Variants in TAX1BP1 observed in about 807,000 individuals in gnomAD.
TAX1BP1 encodes tax1-binding protein 1.
Under a neutral mutation model 97.7 loss-of-function variants are expected in TAX1BP1, and 62 were observed. The observed-to-expected ratio is 0.63, with a 90% CI of 0.52 to 0.78. The LOEUF is 0.78. Among genes scored for constraint, TAX1BP1 ranks in the 30% least tolerant of loss-of-function variants. The pLI, the probability that TAX1BP1 is intolerant of heterozygous loss-of-function variation, is 0.00. For missense variants in TAX1BP1, 867 were observed against 916.1 expected (o/e 0.95, Z 0.69); for synonymous variants, 340 against 304.2 (o/e 1.12, Z -1.23).
chr7:27,793,889 A>G (rs1274548024), intron 10 of TAX1BP1, among the ~76,000 whole-genome samples: 1 of 152,218 alleles, frequency 6.6e-6, no homozygotes, highest in Non-Finnish European at 1.5e-5. Context: ...TGTGATGCAT[A>G]TGATACTTTC....
intron 16 of TAX1BP1, 137 bp from the exon 17 acceptor site, chr7:27,828,491 T>C (rs952315901): frequency 9.6e-5 from 70 of 727,648 alleles, no homozygotes; most frequent in Middle Eastern, 3.5e-4. Context: ...GAGAAATGTT[T>C]CTGGAGTAAA....
intron 5 of TAX1BP1, among the ~76,000 whole-genome samples, chr7:27,773,640 T>C (rs1788927424): frequency 6.6e-6 from 1 of 152,120 alleles, no homozygotes; most frequent in African/African-American, 2.4e-5. Flanking sequence ...TTCACTCCTT[T>C]TATTGCCAAA....
intron 1 of TAX1BP1, among the ~76,000 whole-genome samples, chr7:27,741,564 G>T (rs1369114889): frequency 1.3e-5 from 2 of 150,656 alleles, no homozygotes; most frequent in Non-Finnish European, 2.9e-5. Context: ...GCAGTGGCGC[G>T]ATCGCGGCTC....
Position 27,788,322 on chromosome 7 carries a change from G to C in TAX1BP1, c.1038+719G>C, listed in dbSNP as rs975212752. Among the ~76,000 whole-genome samples the C allele has an allele frequency of 2.0e-5, 3 of 151,946 alleles. No individual in the cohort carries two copies. In the South Asian group the frequency reaches 6.2e-4, roughly 31 times the overall value. ...TGTTAGGTTTAATAATTTGTTTAAA[G>C]TTATGCCTACCTGTCTCTATATAGG... On this transcript the variant is annotated intron_variant, in intron 8 of 16. Coordinates refer to ENST00000396319, the MANE Select transcript of TAX1BP1 (RefSeq NM_006024.7).
chr7:27,775,135 G>A (rs1018056210), intron 5 of TAX1BP1, among the ~76,000 whole-genome samples: 10 of 152,042 alleles, frequency 6.6e-5, no homozygotes, highest in African/African-American at 2.4e-4. Flanking sequence ...AGAAGCTATG[G>A]TTATACATCA....
At chr7:27,784,527 G>A (rs1789393068) in intron 5 of TAX1BP1, among the ~76,000 whole-genome samples, 1 of 152,320 alleles carries the variant, frequency 6.6e-6, no homozygotes, top group Non-Finnish European at 1.5e-5. Context: ...ATGGCAGTTA[G>A]TGACCTGTGC....
intron 13 of TAX1BP1, among the ~76,000 whole-genome samples, chr7:27,808,077 G>C (rs1436076087): frequency 6.6e-6 from 1 of 152,150 alleles, no homozygotes; most frequent in Non-Finnish European, 1.5e-5. Flanking sequence ...CCTGGAATCA[G>C]TCTTTTCTCC....
chr7:27,767,634 T>C (rs1325977509), intron 4 of TAX1BP1, among the ~76,000 whole-genome samples: 1 of 152,136 alleles, frequency 6.6e-6, no homozygotes, highest in Non-Finnish European at 1.5e-5. Flanking sequence ...ATCTTAAGAA[T>C]GCAGTCAGTA....
chr7:27,758,395 G>T, intron 3 of TAX1BP1: 1 of 223,176 alleles, frequency 4.5e-6, no homozygotes, highest in Non-Finnish European at 8.8e-6. Flanking sequence ...AATTTTTGGA[G>T]ATTTTTTTTT....
chr7:27,805,174 T>C (rs912882297), intron 13 of TAX1BP1, among the ~76,000 whole-genome samples: 6 of 152,152 alleles, frequency 3.9e-5, no homozygotes, highest in Admixed American at 3.3e-4. Context: ...CCCATATAAA[T>C]TGTAATCAGG....
intron 7 of TAX1BP1, among the ~76,000 whole-genome samples, chr7:27,786,381 A>G (rs2128316427): frequency 6.6e-6 from 1 of 152,254 alleles, no homozygotes; most frequent in Middle Eastern, 3.4e-3. Flanking sequence ...TCAGCCTCCC[A>G]AAGTGCTGGG....
At chr7:27,781,748 C>G (rs1278249827) in intron 5 of TAX1BP1, among the ~76,000 whole-genome samples, 3 of 151,678 alleles carry the variant, frequency 2.0e-5, no homozygotes, top group East Asian at 1.9e-4. Context: ...GAGTCTTACT[C>G]TGTTGCCCAG....
At chr7:27,828,584 T>C (rs1782561714) in intron 16 of TAX1BP1, 44 bp from the exon 17 acceptor site, 1 of 1,586,140 alleles carries the variant, frequency 6.3e-7, no homozygotes, top group Non-Finnish European at 8.6e-7. Flanking sequence ...GTTGTTGTTC[T>C]ACATTTATTA....
chr7:27,824,784 C>T (rs1358783828), intron 15 of TAX1BP1, among the ~76,000 whole-genome samples: 2 of 151,610 alleles, frequency 1.3e-5, no homozygotes, highest in Admixed American at 6.6e-5. Context: ...AACAATAGGG[C>T]GTTTAGATCT....
At chr7:27,783,060 T>G (rs973979758) in intron 5 of TAX1BP1, among the ~76,000 whole-genome samples, 1 of 152,156 alleles carries the variant, frequency 6.6e-6, no homozygotes, top group African/African-American at 2.4e-5. Flanking sequence ...TTTTTTAGTT[T>G]AGGAGTGGGA....
chr7:27,765,186 T>TTG (rs1332750076), intron 3 of TAX1BP1, among the ~76,000 whole-genome samples: 1 of 149,152 alleles, frequency 6.7e-6, no homozygotes, highest in Non-Finnish European at 1.5e-5. Context: ...TGGCAAATTT[T>TTG]TGTATTTTTT....
At chr7:27,754,286 C>G (rs1583669627) in intron 2 of TAX1BP1, among the ~76,000 whole-genome samples, 1 of 151,406 alleles carries the variant, frequency 6.6e-6, no homozygotes, top group South Asian at 2.1e-4. Flanking sequence ...TCCTTCTTCT[C>G]TTTTCCTGCC....
intron 5 of TAX1BP1, among the ~76,000 whole-genome samples, chr7:27,772,935 C>T (rs1301908529): frequency 6.7e-6 from 1 of 150,024 alleles, no homozygotes; most frequent in Non-Finnish European, 1.5e-5. Context: ...AAAAGTAACT[C>T]TATTATTAAG....
At chr7:27,748,339 TTGTC>T (rs1487398761) in intron 1 of TAX1BP1, among the ~76,000 whole-genome samples, 175 bp from the exon 2 acceptor site, 3 of 152,206 alleles carry the variant, frequency 2.0e-5, no homozygotes, top group Admixed American at 6.5e-5. Context: ...TTTTTCCAGT[TTGTC>T]TGTATTTTTA....
Sources: allele counts gnomAD v4.1 joint callset (sites outside exome capture counted in the v4.1 genomes callset), GRCh38; gene constraint gnomAD v4.1.1; transcripts MANE v1.5; gene names NCBI Gene and HGNC (gene_info 2026-07-23, HGNC 2026-07-21).